Variants in MSI2 observed in about 807,000 individuals in gnomAD.
The protein encoded by MSI2 is RNA-binding protein Musashi homolog 2.
In MSI2, 17 loss-of-function variants were observed where a neutral mutation model predicts 45.6. That is an observed-to-expected ratio of 0.37 (90% CI 0.26 to 0.56). The LOEUF (loss-of-function observed/expected upper bound fraction) is 0.56, where lower values mean the gene tolerates loss of function less well. Among genes scored for constraint, MSI2 ranks in the 20% least tolerant of loss-of-function variants. MSI2 has a pLI of 0.77. For missense variants in MSI2, 293 were observed against 444.2 expected (o/e 0.66, Z 3.06); for synonymous variants, 156 against 158.2 (o/e 0.99, Z 0.11).
At chr17:57,689,132 G>A (rs561385524), downstream of MSI2, among the ~76,000 whole-genome samples, 1 of 152,050 alleles carries the variant, frequency 6.6e-6, no homozygotes, top group Non-Finnish European at 1.5e-5. Context: ...ATACAAGAAC[G>A]TCTGGGAAGA....
intron 5 of MSI2, among the ~76,000 whole-genome samples, chr17:57,324,352 T>C (rs1758462522): frequency 6.6e-6 from 1 of 152,084 alleles, no homozygotes; most frequent in Non-Finnish European, 1.5e-5. Context: ...GAGGCAGCTT[T>C]TCCTCATCTT....
intron 11 of MSI2, among the ~76,000 whole-genome samples, chr17:57,671,788 T>C (rs1312478118): frequency 6.6e-6 from 1 of 152,266 alleles, no homozygotes; most frequent in East Asian, 1.9e-4. Context: ...GACAAGTTTA[T>C]GTGCCGAGTG....
At chr17:57,678,490 C>G (rs1913391179) in intron 13 of MSI2, among the ~76,000 whole-genome samples, 2 of 152,310 alleles carry the variant, frequency 1.3e-5, no homozygotes, top group Non-Finnish European at 2.9e-5. Flanking sequence ...TGGCTCCAGC[C>G]CTTTGTGGAG....
Position 57,497,133 on chromosome 17 carries a change from T to A in MSI2, c.406-32543T>A, listed in dbSNP as rs142322155. Among the ~76,000 whole-genome samples, 735 of 152,306 alleles carry A rather than the reference T, an allele frequency of 4.8e-3. 10 individuals are homozygous for A. Among genetic ancestry groups the A allele is most frequent in the African/African-American group, 0.017 (699 of 41,568 alleles). Reference sequence around the variant, plus strand: ...CTAGGATTAAAGGTGCCTGCTACCATGCCCAGCTAATTTTTGTATTTTTAG... The same window carrying A: ...CTAGGATTAAAGGTGCCTGCTACCAAGCCCAGCTAATTTTTGTATTTTTAG... On this transcript the variant is annotated intron_variant, in intron 6 of 13. Coordinates refer to ENST00000284073, the MANE Select transcript of MSI2 (RefSeq NM_138962.4).
In MSI2 at chr17:57,259,230, C is replaced by A. The variant is rs1806021881; in HGVS notation, c.270+876C>A. ...TTTATTAATATATATCTGCCCCAAA[C>A]AGAGGCCTTAAGATGACATTGGGCT... On this transcript the variant is annotated intron_variant, in intron 4 of 13. Transcript: ENST00000284073. Among the ~76,000 whole-genome samples, 3 of 152,146 alleles carry A rather than the reference C, an allele frequency of 2.0e-5. No homozygotes were observed. In the South Asian group the frequency reaches 6.2e-4, roughly 32 times the overall value.
chr17:57,349,918 C>A (rs773475567), intron 5 of MSI2, among the ~76,000 whole-genome samples: 1 of 152,148 alleles, frequency 6.6e-6, no homozygotes, highest in Non-Finnish European at 1.5e-5. Flanking sequence ...ATTTTTTACT[C>A]TAAGAATATT....
intron 6 of MSI2, among the ~76,000 whole-genome samples, chr17:57,424,487 T>TGAAG (rs2084455073): frequency 6.6e-6 from 1 of 152,204 alleles, no homozygotes; most frequent in South Asian, 2.1e-4. Context: ...CTTTCAGTCT[T>TGAAG]TTTCTTCTTC....
intron 7 of MSI2, among the ~76,000 whole-genome samples, chr17:57,576,245 T>C (rs1458316374): frequency 6.6e-6 from 1 of 152,188 alleles, no homozygotes; most frequent in Non-Finnish European, 1.5e-5. Context: ...GCTCAACAAC[T>C]CTATTCCTTG....
intron 10 of MSI2, chr17:57,629,505 C>T (rs1909145534): frequency 6.6e-6 from 1 of 152,220 alleles, no homozygotes. Flanking sequence ...ATTTCAGTGA[C>T]TCAGTAACCA....
chr17:57,361,900 G>C (rs1916839439), intron 5 of MSI2, among the ~76,000 whole-genome samples: 1 of 152,172 alleles, frequency 6.6e-6, no homozygotes. Context: ...TTTTATATAT[G>C]TGTATGGTCA....
At chr17:57,319,118 G>A (rs1396394429) in intron 5 of MSI2, among the ~76,000 whole-genome samples, 1 of 152,234 alleles carries the variant, frequency 6.6e-6, no homozygotes, top group Admixed American at 6.5e-5. Context: ...ATGCAGAGCA[G>A]GGCCTTCTGA....
At chr17:57,530,368 G>A (rs2086796948) in intron 7 of MSI2, among the ~76,000 whole-genome samples, 1 of 152,174 alleles carries the variant, frequency 6.6e-6, no homozygotes, top group Non-Finnish European at 1.5e-5. Context: ...AAGATCCCTA[G>A]GTTTGGACAA....
At chr17:57,320,131 C>G (rs1189102957) in intron 5 of MSI2, among the ~76,000 whole-genome samples, 1 of 152,174 alleles carries the variant, frequency 6.6e-6, no homozygotes, top group Non-Finnish European at 1.5e-5. Context: ...TGGACACTTG[C>G]TGCTGAACTG....
chr17:57,488,155 C>T (rs2085791644), intron 6 of MSI2, among the ~76,000 whole-genome samples: 1 of 152,074 alleles, frequency 6.6e-6, no homozygotes, highest in Non-Finnish European at 1.5e-5. Flanking sequence ...TGGCCTCATT[C>T]CTCCAGAGGG....
At chr17:57,340,439 A>G (rs1915039683) in intron 5 of MSI2, among the ~76,000 whole-genome samples, 1 of 152,212 alleles carries the variant, frequency 6.6e-6, no homozygotes, top group East Asian at 1.9e-4. Flanking sequence ...ATGAAATATA[A>G]TGGATCAAGC....
At chr17:57,487,541 G>T (rs534587197) in intron 6 of MSI2, among the ~76,000 whole-genome samples, 1 of 152,058 alleles carries the variant, frequency 6.6e-6, no homozygotes, top group Non-Finnish European at 1.5e-5. Context: ...TTTCCATGCT[G>T]CCAGAGGGAT....
chr17:57,292,434 G>A (rs973665281), intron 5 of MSI2, among the ~76,000 whole-genome samples: 3 of 152,210 alleles, frequency 2.0e-5, no homozygotes, highest in Admixed American at 1.3e-4. Flanking sequence ...GAGGAGGGGT[G>A]AGAGGCAAAC....
At chr17:57,496,150 G>A (rs1427400302) in intron 6 of MSI2, among the ~76,000 whole-genome samples, 1 of 152,104 alleles carries the variant, frequency 6.6e-6, no homozygotes, top group East Asian at 1.9e-4. Flanking sequence ...GTGTCATTTC[G>A]GCATAATATG....
chr17:57,414,146 G>C (rs1396788409), intron 6 of MSI2, among the ~76,000 whole-genome samples: 3 of 149,900 alleles, frequency 2.0e-5, no homozygotes, highest in Non-Finnish European at 4.4e-5. Flanking sequence ...TCCATAATGG[G>C]AATACGGAAG....
Sources: gnomAD v4.1 joint callset for allele counts (sites outside exome capture counted in the v4.1 genomes callset) on GRCh38, gnomAD v4.1.1 for gene constraint, MANE v1.5 for transcripts, NCBI Gene and HGNC (gene_info 2026-07-23, HGNC 2026-07-21) for gene names.